The following PDCD1LG2 variants were observed in gnomAD, a reference collection of about 807,000 sequenced individuals.
PDCD1LG2 encodes B7 dendritic cell molecule.
Under a neutral mutation model 28.2 loss-of-function variants are expected in PDCD1LG2, and 32 were observed. The observed-to-expected ratio is 1.13, with a 90% CI of 0.86 to 1.52. The LOEUF (loss-of-function observed/expected upper bound fraction) is 1.52, where lower values mean the gene tolerates loss of function less well. PDCD1LG2 is among the 40% of genes most tolerant of loss of function. The pLI is 0.00. For synonymous variants in PDCD1LG2, 116 were observed against 120.2 expected, an observed-to-expected ratio of 0.97 and a Z score of 0.23; for missense variants, 385 against 323.8, an observed-to-expected ratio of 1.19 and a Z score of -1.45.
At chr9:5,536,096 C>G (rs1191609334) in intron 3 of PDCD1LG2, among the ~76,000 whole-genome samples, 1 of 152,136 alleles carries the variant, frequency 6.6e-6, no homozygotes, top group Non-Finnish European at 1.5e-5. Context: ...AAGTGTGTGA[C>G]TTTATGATCT....
chr9:5,543,828 G>T (rs1282360580), intron 3 of PDCD1LG2, among the ~76,000 whole-genome samples: 1 of 63,988 alleles, frequency 1.6e-5, no homozygotes, highest in African/African-American at 6.3e-5. Flanking sequence ...AATAAAGAAA[G>T]AAATTATTTT....
At chr9:5,519,125 A>C (rs929909601) in intron 1 of PDCD1LG2, among the ~76,000 whole-genome samples, 1 of 152,216 alleles carries the variant, frequency 6.6e-6, no homozygotes, top group African/African-American at 2.4e-5. Flanking sequence ...TGGTTTCAAC[A>C]GGAAGAAATG....
chr9:5,564,592 A>G (rs1816627212), intron 6 of PDCD1LG2, among the ~76,000 whole-genome samples: 1 of 152,270 alleles, frequency 6.6e-6, no homozygotes, highest in South Asian at 2.1e-4. Flanking sequence ...AAGAGGCACC[A>G]GCATACCACT....
chr9:5,550,894 T>C (rs1450123024), intron 4 of PDCD1LG2, among the ~76,000 whole-genome samples: 1 of 152,154 alleles, frequency 6.6e-6, no homozygotes, highest in African/African-American at 2.4e-5. Flanking sequence ...GGTTTCACCA[T>C]GTTGGCCAGG....
chr9:5,526,490 T>C (rs1478121170), intron 2 of PDCD1LG2, among the ~76,000 whole-genome samples: 1 of 152,118 alleles, frequency 6.6e-6, no homozygotes, highest in East Asian at 1.9e-4. Flanking sequence ...CATGCTGGAG[T>C]GCAGTGGCCC....
intron 2 of PDCD1LG2, among the ~76,000 whole-genome samples, chr9:5,524,506 C>T (rs1820334926): frequency 6.6e-6 from 1 of 152,198 alleles, no homozygotes; most frequent in African/African-American, 2.4e-5. Context: ...ATGCAGATAA[C>T]ATCAGTTCAG....
intron 2 of PDCD1LG2, among the ~76,000 whole-genome samples, chr9:5,522,971 T>G (rs1204190474): frequency 1.3e-5 from 2 of 151,812 alleles, no homozygotes; most frequent in African/African-American, 4.8e-5. Context: ...GCAGGGAGAG[T>G]AAGGAGACAA....
At position 5,529,541 on chromosome 9, in the gene PDCD1LG2, G is replaced by GT. The variant is rs918063417; in HGVS notation, c.56-5196dup. Among the ~76,000 whole-genome samples the GT allele has an allele frequency of 3.7e-4, 56 of 151,746 alleles. No homozygotes were observed. In the Middle Eastern group the frequency reaches 0.01, roughly 28 times the overall value. On this transcript the variant is annotated intron_variant, in intron 2 of 6. Transcript: ENST00000397747. ...TTTTGCAAATATCACACTTATATTT[G>GT]TTTTTTTTCTTACATTTTTATTTCA...
rs951450634 is a variant in PDCD1LG2 at position 5,514,631 on chromosome 9, C to T, written c.-15+3828C>T. On this transcript the variant is annotated intron_variant, in intron 1 of 6. Transcript: ENST00000397747. ...TAGCCCACAACTATAGTCCCAGCTA[C>T]TTGGGAGGCTGGGGCAGGAGGATCA... Among the ~76,000 whole-genome samples the T allele has an allele frequency of 3.9e-5, 6 of 152,112 alleles. No individual in the cohort carries two copies. In the South Asian group the frequency reaches 1.2e-3, roughly 32 times the overall value.
chr9:5,537,581 G>C (rs546039939), intron 3 of PDCD1LG2, among the ~76,000 whole-genome samples: 146 of 152,274 alleles, frequency 9.6e-4, no homozygotes, highest in African/African-American at 3.4e-3. Flanking sequence ...CCTTCGTAGG[G>C]ACATGGATGA....
At chr9:5,530,510 A>T (rs1219339733) in intron 2 of PDCD1LG2, among the ~76,000 whole-genome samples, 1 of 151,962 alleles carries the variant, frequency 6.6e-6, no homozygotes, top group Non-Finnish European at 1.5e-5. Context: ...GATGTAGTGT[A>T]CACATGCCAG....
rs532243760 is a variant in PDCD1LG2 at position 5,537,235 on chromosome 9, C to G, written c.361+2185C>G. ...TGATTTACTCATACGAACAAGATTC[C>G]TTAGCCTTTATAAGCTACAAAAAAA... On this transcript the variant is annotated intron_variant, in intron 3 of 6. Transcript: ENST00000397747. Among the ~76,000 whole-genome samples, 5 of 152,262 alleles carry G rather than the reference C, an allele frequency of 3.3e-5. No individual in the cohort carries two copies. In the East Asian group the frequency reaches 9.6e-4, roughly 29 times the overall value.
At chr9:5,518,755 C>G (rs779716321) in intron 1 of PDCD1LG2, among the ~76,000 whole-genome samples, 1 of 152,132 alleles carries the variant, frequency 6.6e-6, no homozygotes, top group African/African-American at 2.4e-5. Flanking sequence ...AGAGAGTTGC[C>G]TATATTTGTT....
intron 3 of PDCD1LG2, among the ~76,000 whole-genome samples, chr9:5,546,230 C>G (rs756523527): frequency 6.6e-6 from 1 of 152,168 alleles, no homozygotes; most frequent in East Asian, 1.9e-4. Context: ...GAAATCACTT[C>G]TCAACCAGGA....
chr9:5,538,628 T>C lies in PDCD1LG2; in HGVS notation c.361+3578T>C, dbSNP rs113710079. Among the ~76,000 whole-genome samples the C allele has an allele frequency of 1.8e-3, 278 of 150,890 alleles. 1 individual carries two copies. Among genetic ancestry groups the C allele is most frequent in the African/African-American group, 6.0e-3 (248 of 40,996 alleles). On this transcript the variant is annotated intron_variant, in intron 3 of 6. Transcript: ENST00000397747. ...GCGTTAAGCCGGGAGGCGGAGCTTG[T>C]AGTGAGCCGAGATCGCTCCACTGCA...
intron 6 of PDCD1LG2, 98 bp downstream of exon 6, chr9:5,563,309 CT>C: frequency 9.9e-7 from 1 of 1,012,372 alleles, no homozygotes; most frequent in East Asian, 2.6e-5. Flanking sequence ...TGGAAGGCAA[CT>C]GAATAGTTCC....
chr9:5,545,888 T>C (rs1050659428), intron 3 of PDCD1LG2, among the ~76,000 whole-genome samples: 1 of 152,162 alleles, frequency 6.6e-6, no homozygotes, highest in African/African-American at 2.4e-5. Context: ...AGAAGGTGTT[T>C]TTCATTGAGC....
chr9:5,549,712 G>A, intron 4 of PDCD1LG2, 108 bp downstream of exon 4: 1 of 1,344,308 alleles, frequency 7.4e-7, no homozygotes, highest in African/African-American at 1.5e-5. Flanking sequence ...TGTTTACAAA[G>A]GTGTGATCAC....
At chr9:5,553,624 G>A (rs1026317909) in intron 4 of PDCD1LG2, among the ~76,000 whole-genome samples, 7 of 152,118 alleles carry the variant, frequency 4.6e-5, no homozygotes, top group East Asian at 1.9e-4. Context: ...AAGCCTTTAC[G>A]CTGTGAGAAG....
Sources: allele counts gnomAD v4.1 joint callset (sites outside exome capture counted in the v4.1 genomes callset), GRCh38; gene constraint gnomAD v4.1.1; transcripts MANE v1.5; gene names NCBI Gene and HGNC (gene_info 2026-07-23, HGNC 2026-07-21).